Variants in NECTIN3 observed in about 807,000 individuals in gnomAD.
NECTIN3 encodes the protein nectin cell adhesion molecule 3, also known as nectin-3.
In NECTIN3, 8 loss-of-function variants were observed where a neutral mutation model predicts 49.4. That is an observed-to-expected ratio of 0.16 (90% CI 0.10 to 0.29). NECTIN3 has a LOEUF of 0.29. Ranked by LOEUF, NECTIN3 falls within the 10% of genes least tolerant of loss-of-function variation. The pLI, the probability that NECTIN3 is intolerant of heterozygous loss-of-function variation, is 1.00. For synonymous variants in NECTIN3, 277 were observed against 241.1 expected, an observed-to-expected ratio of 1.15 and a Z score of -1.38; for missense variants, 581 against 654.6, an observed-to-expected ratio of 0.89 and a Z score of 1.23.
chr3:111,192,018 G>T (rs1435358888), upstream of NECTIN3, among the ~76,000 whole-genome samples: 2 of 152,046 alleles, frequency 1.3e-5, no homozygotes, highest in Non-Finnish European at 2.9e-5. Context: ...TTTTAGTAGA[G>T]ATGGAGTTTC....
At chr3:111,080,678 CAAAAA>C (rs11322721) in intron 1 of NECTIN3, among the ~76,000 whole-genome samples, 2 of 129,140 alleles carry the variant, frequency 1.5e-5, no homozygotes, top group Non-Finnish European at 1.7e-5. Flanking sequence ...ATATGTCATG[CAAAAA>C]AAAAAAAAAA....
intron 7 of NECTIN3, among the ~76,000 whole-genome samples, chr3:111,162,844 GTAGCCTGGCCT>G (rs2035241537): frequency 6.6e-6 from 1 of 152,082 alleles, no homozygotes. Context: ...ACATCTGCCC[GTAGCCTGGCCT>G]TAAAGCTATT....
At chr3:111,190,758 G>T (rs2035800337), upstream of NECTIN3, among the ~76,000 whole-genome samples, 1 of 152,178 alleles carries the variant, frequency 6.6e-6, no homozygotes, top group African/African-American at 2.4e-5. Context: ...TATGAATTTT[G>T]GGAGTACACA....
At chr3:111,099,459 T>G (rs1488674768) in intron 1 of NECTIN3, among the ~76,000 whole-genome samples, 1 of 152,202 alleles carries the variant, frequency 6.6e-6, no homozygotes, top group Non-Finnish European at 1.5e-5. Context: ...TATGTCTTAT[T>G]TTCTTTTCTA....
rs555639032 is a variant in NECTIN3 at position 111,155,196 on chromosome 3, A to G, written c.1221+7712A>G. ...CTTGATCCGCCTGCCTCGGCCTCCCAAAAGTGCTGGGATTACAGGCGTGAG... is the reference window on the plus strand; with the variant it reads ...CTTGATCCGCCTGCCTCGGCCTCCCGAAAGTGCTGGGATTACAGGCGTGAG... On this transcript the variant is annotated intron_variant, in intron 7 of 8. Transcript: ENST00000493615. Among the ~76,000 whole-genome samples the G allele has an allele frequency of 9.2e-5, 14 of 152,288 alleles. 1 individual carries two copies. In the South Asian group the frequency reaches 2.9e-3, roughly 32 times the overall value.
chr3:111,144,645 A>T (rs1447557728), intron 5 of NECTIN3, among the ~76,000 whole-genome samples: 1 of 151,948 alleles, frequency 6.6e-6, no homozygotes, highest in African/African-American at 2.4e-5. Flanking sequence ...TATCGAGAAT[A>T]TATTCTCTTG....
At chr3:111,110,349 A>G (rs183470979) in intron 1 of NECTIN3, among the ~76,000 whole-genome samples, 75 of 152,094 alleles carry the variant, frequency 4.9e-4, no homozygotes, top group Middle Eastern at 3.4e-3. Flanking sequence ...TTTCTTAGTT[A>G]GATTTTCTTT....
Position 111,134,326 on chromosome 3 carries a change from T to G in NECTIN3, c.*111T>G. The stretch of plus-strand genomic sequence containing the variant: ...AGAATAAGCTTTTTCAAGTTGATTT[T>G]CAAGCTTACTTTTTATATTCTAATC... On this transcript the variant is annotated 3_prime_UTR_variant, in exon 6 of 6. Coordinates refer to ENST00000485303, the MANE Select transcript of NECTIN3 (RefSeq NM_015480.3). 1 of 1,448,868 alleles carries G rather than the reference T, an allele frequency of 6.9e-7. No homozygotes were observed. The highest frequency in any genetic ancestry group is 2.4e-5 in the East Asian group (1 of 40,880). The allele number at this position is 1,448,868 out of a possible 1,614,324, so 89.8% of individuals were successfully genotyped here.
At chr3:111,122,319 A>G (rs1216281667) in intron 4 of NECTIN3, 81 bp downstream of exon 4, 2 of 1,029,786 alleles carry the variant, frequency 1.9e-6, no homozygotes, top group Non-Finnish European at 2.8e-6. Flanking sequence ...TTTTATCTGT[A>G]TAATACATGA....
chr3:111,137,614 C>A, downstream of NECTIN3: 1 of 534,388 alleles, frequency 1.9e-6, no homozygotes, highest in Non-Finnish European at 2.4e-6. Flanking sequence ...CTCGTATTTA[C>A]TAAAGTGTGT....
chr3:111,085,988 A>ACAAAGC (rs2031900655), intron 1 of NECTIN3, among the ~76,000 whole-genome samples: 1 of 151,948 alleles, frequency 6.6e-6, no homozygotes, highest in Non-Finnish European at 1.5e-5. Context: ...TAATATCAGT[A>ACAAAGC]TTTTTCTTTT....
At chr3:111,120,644 AG>A (rs2033906235) in intron 3 of NECTIN3, among the ~76,000 whole-genome samples, 1 of 152,136 alleles carries the variant, frequency 6.6e-6, no homozygotes, top group Non-Finnish European at 1.5e-5. Flanking sequence ...CCAGTAGGAC[AG>A]TCTTCCCTGG....
rs148107774 is a variant in NECTIN3, at chr3:111,172,317, A to G, written c.1222-20034A>G. Among the ~76,000 whole-genome samples, 334 of 152,278 alleles carry G rather than the reference A, an allele frequency of 2.2e-3. 1 individual carries two copies. Among genetic ancestry groups the G allele is most frequent in the Middle Eastern group, 6.8e-3 (2 of 294 alleles). ...ATTGTTCTGGGCACTTGTCACTTTG[A>G]TGCATAAGGCTTAATGATACTATGT... On this transcript the variant is annotated intron_variant, in intron 7 of 8. Coordinates refer to the NECTIN3 transcript ENST00000493615.
chr3:111,163,071 A>T (rs148822769), intron 7 of NECTIN3, among the ~76,000 whole-genome samples: 1 of 152,320 alleles, frequency 6.6e-6, no homozygotes, highest in African/African-American at 2.4e-5. Context: ...TTACAGTCAG[A>T]TGGTGGCTGG....
intron 7 of NECTIN3, among the ~76,000 whole-genome samples, chr3:111,153,872 G>A (rs1279146463): frequency 6.6e-6 from 1 of 151,860 alleles, no homozygotes; most frequent in Non-Finnish European, 1.5e-5. Flanking sequence ...ATATGTGCTA[G>A]CACTGAGAAT....
chr3:111,092,567 G>A (rs955238284), intron 1 of NECTIN3, among the ~76,000 whole-genome samples: 20 of 152,066 alleles, frequency 1.3e-4, no homozygotes, highest in African/African-American at 4.6e-4. Context: ...TTTTCCCATT[G>A]AATTGACTTG....
chr3:111,183,158 A>G (rs1232380343), intron 7 of NECTIN3, among the ~76,000 whole-genome samples: 3 of 152,076 alleles, frequency 2.0e-5, no homozygotes, highest in Admixed American at 6.6e-5. Context: ...ATACATTATT[A>G]CTATTTTTGT....
intron 3 of NECTIN3, among the ~76,000 whole-genome samples, 164 bp from the exon 4 acceptor site, chr3:111,121,957 A>T (rs1030686466): frequency 6.6e-6 from 1 of 152,186 alleles, no homozygotes; most frequent in Non-Finnish European, 1.5e-5. Flanking sequence ...CAGTCAGCCA[A>T]TACTTGTGGA....
intron 1 of NECTIN3, among the ~76,000 whole-genome samples, chr3:111,095,088 A>G (rs1050212327): frequency 1.3e-5 from 2 of 152,188 alleles, no homozygotes; most frequent in Non-Finnish European, 2.9e-5. Context: ...TATTCTCATC[A>G]TACCAGAAGA....
Sources: allele counts gnomAD v4.1 joint callset (sites outside exome capture counted in the v4.1 genomes callset), GRCh38; gene constraint gnomAD v4.1.1; transcripts MANE v1.5; gene names NCBI Gene and HGNC (gene_info 2026-07-23, HGNC 2026-07-21).